BOC: variants seen among roughly 807,000 people sequenced by gnomAD.
BOC encodes the protein brother of CDO.
In BOC, 76 loss-of-function variants were observed where a neutral mutation model predicts 112.0. The ratio of observed to expected loss-of-function variants is 0.68; its 90% CI spans 0.56 to 0.82. The LOEUF is 0.82. BOC is among the 40% of genes least tolerant of loss of function. The probability of loss-of-function intolerance (pLI) is 0.00; values close to 1 mark genes in which losing one functional copy is unlikely to be tolerated. For synonymous variants in BOC, 580 were observed against 599.8 expected (o/e 0.97, Z 0.48); for missense variants, 1,309 against 1,511.7 (o/e 0.87, Z 2.22).
chr3:113,233,762 C>G (rs1240947745), intron 2 of BOC, among the ~76,000 whole-genome samples: 2 of 152,144 alleles, frequency 1.3e-5, no homozygotes, highest in African/African-American at 2.4e-5. Context: ...TGAGCTTCGT[C>G]AGGCGCCTAC....
chr3:113,282,302 C>T (rs1049572035), intron 15 of BOC, among the ~76,000 whole-genome samples: 4 of 151,960 alleles, frequency 2.6e-5, no homozygotes, highest in Admixed American at 2.0e-4. Flanking sequence ...AACTGGGGCT[C>T]TAAAGTAAAG....
In BOC at chr3:113,281,053, C is replaced by T; in HGVS notation, c.2334C>T (p.Ile778=). ...MVEGDKYWHS[I]SHLQPETSYD... is the part of the protein sequence containing the mutation. ...CAGGGGACAAGTACTGGCACTCCAT[C>T]AGCCACCTGCAGCCAGAGACCTCCT... Residue 778 remains isoleucine, a synonymous_variant, in exon 15 of 20, where the codon ATC becomes ATT. Transcript: ENST00000682979. 6.2e-7 allele frequency: 1 copy of T among 1,614,126 alleles called. No individual in the cohort carries two copies. The highest frequency in any genetic ancestry group is 1.1e-5 in the South Asian group (1 of 91,074).
intron 2 of BOC, among the ~76,000 whole-genome samples, chr3:113,226,694 A>AC (rs147750274): frequency 0.09 from 13,675 of 152,236 alleles, 656 homozygotes; most frequent in African/African-American, 0.12. Context: ...GCCAAGATGA[A>AC]CTGGCTAGGG....
At chr3:113,272,802 G>A (rs1948268387) in intron 7 of BOC, 99 bp downstream of exon 7, 1 of 1,407,686 alleles carries the variant, frequency 7.1e-7, no homozygotes, top group Non-Finnish European at 9.7e-7. Context: ...TTAGCATCTT[G>A]TGAAAGGCCA....
chr3:113,233,863 T>C (rs772460028), intron 2 of BOC, among the ~76,000 whole-genome samples: 2 of 130,244 alleles, frequency 1.5e-5, no homozygotes, highest in Non-Finnish European at 3.2e-5. Context: ...TCTCCACTAA[T>C]TAAGAACCAC....
At chr3:113,279,142 G>T (rs928921956) in intron 11 of BOC, 107 bp from the exon 12 acceptor site, 3 of 1,189,026 alleles carry the variant, frequency 2.5e-6, no homozygotes, top group Non-Finnish European at 3.6e-6. Flanking sequence ...GAGCGGGCCC[G>T]TCAGGAGCAG....
intron 2 of BOC, among the ~76,000 whole-genome samples, chr3:113,230,412 A>G (rs1034759931): frequency 6.6e-6 from 1 of 152,194 alleles, no homozygotes; most frequent in Non-Finnish European, 1.5e-5. Context: ...TGTTGAAAAC[A>G]GTTTTGTTGT....
At chr3:113,269,083 C>T (rs1181996883) in intron 5 of BOC, among the ~76,000 whole-genome samples, 1 of 152,220 alleles carries the variant, frequency 6.6e-6, no homozygotes, top group East Asian at 1.9e-4. Flanking sequence ...AGCTCTGTGC[C>T]TCCAGGCACA....
intron 4 of BOC, among the ~76,000 whole-genome samples, chr3:113,258,840 T>C (rs188814052): frequency 5.3e-5 from 8 of 151,000 alleles, no homozygotes; most frequent in Admixed American, 2.0e-4. Context: ...CTTTGACACT[T>C]GGGCAAGAAA....
chr3:113,272,703 G>T lies in BOC; in HGVS notation c.961G>T (p.Glu321Ter). 2 of 1,613,278 alleles carry T rather than the reference G, an allele frequency of 1.2e-6. No homozygotes were observed. The highest frequency in any genetic ancestry group is 1.1e-5 in the South Asian group (1 of 91,018). Residue 321 changes from glutamate to a stop codon, truncating the protein, a stop_gained and splice_region_variant, in exon 7 of 20, where the codon GAA (glutamate) becomes TAA (stop). Coordinates refer to ENST00000682979, the MANE Select transcript of BOC (RefSeq NM_001378074.1). LOFTEE classifies it high-confidence loss of function. ...CATCCTCTACAATGTCCAGGTGTTT[G>T]GTGAGTGTCTGCTGTGGACTGTCTT... ...AVILYNVQVF[E>*]PPEVTMELSQ...
chr3:113,280,647 G>A lies in BOC; in HGVS notation c.2295G>A (p.Lys765=), dbSNP rs1488068547. 2.5e-6 allele frequency: 4 copies of A among 1,604,958 alleles called. No homozygotes were observed. The highest frequency in any genetic ancestry group is 2.6e-6 in the Non-Finnish European group (3 of 1,171,654). Residue 765 remains lysine, a synonymous_variant, in exon 14 of 20, where the codon AAG becomes AAA. Coordinates refer to ENST00000682979, the MANE Select transcript of BOC (RefSeq NM_001378074.1). ...PTDSDNDSDY[K]KDMVEGDKYW... The stretch of plus-strand genomic sequence containing the variant: ...ACAGTGACAATGATAGTGACTACAA[G>A]AAGGATATGGTGGAAGGTGAGACAC...
At chr3:113,221,391 G>T (rs1940617847) in intron 2 of BOC, among the ~76,000 whole-genome samples, 1 of 152,140 alleles carries the variant, frequency 6.6e-6, no homozygotes, top group Non-Finnish European at 1.5e-5. Flanking sequence ...ACACATGGAG[G>T]GGCAAGGCCC....
intron 4 of BOC, chr3:113,251,836 T>C (rs1345780939): frequency 1.3e-5 from 2 of 152,210 alleles, no homozygotes; most frequent in African/African-American, 2.4e-5. Context: ...GAGGGTGTAT[T>C]ATAAAGATTC....
chr3:113,216,108 T>G (rs1939320464), intron 1 of BOC, 79 bp from the exon 2 acceptor site: 2 of 389,158 alleles, frequency 5.1e-6, no homozygotes, highest in Non-Finnish European at 1.0e-5. Context: ...ATGGTTTATA[T>G]CAATGCACCT....
At chr3:113,251,689 C>T (rs763397633) in intron 4 of BOC, 5 of 152,156 alleles carry the variant, frequency 3.3e-5, no homozygotes, top group Admixed American at 1.3e-4. Context: ...AAACCAAGGG[C>T]CAAATGGCTT....
At chr3:113,233,767 G>T (rs936173696) in intron 2 of BOC, among the ~76,000 whole-genome samples, 1 of 152,128 alleles carries the variant, frequency 6.6e-6, no homozygotes, top group East Asian at 1.9e-4. Flanking sequence ...TTCGTCAGGC[G>T]CCTACTTCTC....
At chr3:113,272,961 C>T in intron 7 of BOC, 108 bp from the exon 8 acceptor site, 7 of 1,406,312 alleles carry the variant, frequency 5.0e-6, no homozygotes, top group Non-Finnish European at 5.8e-6. Context: ...TAGGAAAAAG[C>T]AACAGCCAAA....
Position 113,274,534 on chromosome 3 carries a change from A to G in BOC, c.1394A>G (p.Glu465Gly). The G allele has an allele frequency of 6.2e-7, 1 of 1,613,338 alleles. No homozygotes were observed. The highest frequency in any genetic ancestry group is 8.5e-7 in the Non-Finnish European group (1 of 1,179,866). ...CCTGCTTCCCCGCAGTGTCCAGGAG[A>G]GAAGGGGCAGGGGGCTCCCGCCGAG... ...VGPASPQCPGEKGQGAPAEAP... is the reference protein window; with the variant it reads ...VGPASPQCPGGKGQGAPAEAP... Residue 465 changes from glutamate (E) to glycine (G), a missense_variant, in exon 9 of 20, where the codon GAG (glutamate) becomes GGG (glycine). Transcript: ENST00000682979. This position sits in a 1 kb window ranked among gnomAD's most constrained non-coding sequence, Gnocchi z 4.8.
intron 2 of BOC, among the ~76,000 whole-genome samples, chr3:113,242,315 A>G (rs1356720426): frequency 6.6e-6 from 1 of 152,170 alleles, no homozygotes; most frequent in African/African-American, 2.4e-5. Context: ...CACTGTGGGT[A>G]GATTTGTAGA....
Sources: gnomAD v4.1 joint callset for allele counts (sites outside exome capture counted in the v4.1 genomes callset) on GRCh38, gnomAD v4.1.1 for gene constraint, Gnocchi (gnomAD v3.1) non-coding constraint, MANE v1.5 for transcripts, NCBI Gene and HGNC (gene_info 2026-07-23, HGNC 2026-07-21) for gene names.